RYR2: variants seen among roughly 807,000 people sequenced by gnomAD.
The protein encoded by RYR2 is ryanodine receptor 2.
RYR2 carries 227 observed loss-of-function variants against 601.1 expected under a neutral mutation model. That is an observed-to-expected ratio of 0.38 (90% CI 0.34 to 0.42). The LOEUF is 0.42. Ranked by LOEUF, RYR2 falls within the 10% of genes least tolerant of loss-of-function variation. The pLI, the probability that RYR2 is intolerant of heterozygous loss-of-function variation, is 1.00. For missense variants in RYR2, 4,646 were observed against 6,156.5 expected (o/e 0.75, Z 8.21); for synonymous variants, 2,223 against 2,175.1 (o/e 1.02, Z -0.61).
chr1:237,224,695 A>G (rs1174169740), intron 1 of RYR2, among the ~76,000 whole-genome samples: 2 of 152,078 alleles, frequency 1.3e-5, no homozygotes, highest in Non-Finnish European at 2.9e-5. Flanking sequence ...CCATCTTTAT[A>G]AAAACATTTT....
rs183429253 is a variant in RYR2, at chr1:237,526,754, C to T, written c.2823-3673C>T. Among the ~76,000 whole-genome samples, 679 of 151,864 alleles carry T rather than the reference C, an allele frequency of 4.5e-3. 5 individuals are homozygous for T. Among genetic ancestry groups the T allele is most frequent in the African/African-American group, 0.015 (638 of 41,462 alleles). The stretch of plus-strand genomic sequence containing the variant: ...TCATTGGGGGCATAATTTGAAGATA[C>T]TTTCTCCCATTCTGTAGGTTGTCTA... On this transcript the variant is annotated intron_variant, in intron 24 of 104. Transcript: ENST00000366574.
At chr1:237,110,313 G>A (rs1208057558) in intron 1 of RYR2, among the ~76,000 whole-genome samples, 1 of 151,710 alleles carries the variant, frequency 6.6e-6, no homozygotes, top group Non-Finnish European at 1.5e-5. Flanking sequence ...TGTGCACAAT[G>A]TGCAGGTTAG....
intron 74 of RYR2, among the ~76,000 whole-genome samples, chr1:237,724,968 C>G (rs1690076825): frequency 6.6e-6 from 1 of 152,056 alleles, no homozygotes; most frequent in African/African-American, 2.4e-5. Context: ...TTCTAAGTAT[C>G]CATTTATGCC....
intron 1 of RYR2, among the ~76,000 whole-genome samples, chr1:237,239,353 C>T (rs1244843841): frequency 6.6e-6 from 1 of 152,094 alleles, no homozygotes; most frequent in Non-Finnish European, 1.5e-5. Context: ...AGAGGGGCTT[C>T]CAAGTGGGTC....
intron 13 of RYR2, among the ~76,000 whole-genome samples, chr1:237,444,784 A>G (rs1708189660): frequency 6.6e-6 from 1 of 152,352 alleles, no homozygotes; most frequent in African/African-American, 2.4e-5. Context: ...TTATAGTTTC[A>G]TAGAAAGTTC....
At position 237,254,941 on chromosome 1, in the gene RYR2, A is replaced by AT. The variant is rs570821626; in HGVS notation, c.49-15552dup. On this transcript the variant is annotated intron_variant, in intron 1 of 104. Transcript: ENST00000366574. ...TAAATTCTGCATGTCTCAATGTTTGATTTTAACTCTTTATGTGCTAATGGG... is the reference window on the plus strand; with the variant it reads ...TAAATTCTGCATGTCTCAATGTTTGATTTTTAACTCTTTATGTGCTAATGGG... Among the ~76,000 whole-genome samples, 6 of 152,212 alleles carry AT rather than the reference A, an allele frequency of 3.9e-5. No homozygotes were observed. The South Asian group carries it at 1.0e-3, about 26-fold the overall frequency.
At chr1:237,494,060 C>T (rs1267815657) in intron 19 of RYR2, among the ~76,000 whole-genome samples, 1 of 152,152 alleles carries the variant, frequency 6.6e-6, no homozygotes, top group Admixed American at 6.5e-5. Context: ...GCCACACTGC[C>T]TTTCTTATCC....
intron 25 of RYR2, among the ~76,000 whole-genome samples, chr1:237,534,822 G>C (rs1378019829): frequency 6.6e-6 from 1 of 151,526 alleles, no homozygotes; most frequent in Non-Finnish European, 1.5e-5. Context: ...TTAATATTTT[G>C]GTTTCATTTA....
intron 76 of RYR2, among the ~76,000 whole-genome samples, chr1:237,728,916 A>G (rs1203640062): frequency 1.3e-5 from 2 of 152,114 alleles, no homozygotes; most frequent in Non-Finnish European, 2.9e-5. Flanking sequence ...AAACCTGCAC[A>G]TTCTGCACAT....
chr1:237,717,596 A>C (rs569215823), intron 72 of RYR2, among the ~76,000 whole-genome samples: 1 of 152,322 alleles, frequency 6.6e-6, no homozygotes, highest in East Asian at 1.9e-4. Flanking sequence ...CAAGAACCAA[A>C]CAGGAAAGAC....
intron 3 of RYR2, among the ~76,000 whole-genome samples, chr1:237,337,638 C>T (rs1377672972): frequency 6.6e-6 from 1 of 152,142 alleles, no homozygotes; most frequent in Non-Finnish European, 1.5e-5. Context: ...GTGTGTAGAA[C>T]AATCGTGGCA....
chr1:237,661,915 G>A (rs1035214209), intron 56 of RYR2, among the ~76,000 whole-genome samples: 1 of 152,094 alleles, frequency 6.6e-6, no homozygotes, highest in Non-Finnish European at 1.5e-5. Flanking sequence ...ATTTAGTCAC[G>A]AGGTCATGTG....
In RYR2 at chr1:237,530,622, G is replaced by T. The variant is rs1668050148; in HGVS notation, c.2906+112G>T. The stretch of plus-strand genomic sequence containing the variant: ...GCTTTTACTGAAGCTTTAAAATTCA[G>T]ATTCAAGGCTGGGTGCGGTGGCTCA... On this transcript the variant is annotated intron_variant, in intron 25 of 104. Transcript: ENST00000366574. 3.6e-6 allele frequency: 3 copies of T among 843,320 alleles called. No individual in the cohort carries two copies. In the East Asian group the frequency reaches 8.3e-5, roughly 23 times the overall value. The allele number at this position is 843,320 out of a possible 1,614,324, so 52.2% of individuals were successfully genotyped here.
intron 40 of RYR2, among the ~76,000 whole-genome samples, chr1:237,626,290 G>A (rs1057514977): frequency 6.6e-6 from 1 of 151,948 alleles, no homozygotes; most frequent in Non-Finnish European, 1.5e-5. Flanking sequence ...TGAGTGCCTT[G>A]GGCACAGCAC....
chr1:237,534,924 A>ACCAAG (rs925424331), intron 25 of RYR2, among the ~76,000 whole-genome samples: 26 of 152,032 alleles, frequency 1.7e-4, no homozygotes, highest in African/African-American at 6.0e-4. Flanking sequence ...GAATGGCTAA[A>ACCAAG]CCAAGCCAAT....
In RYR2 at chr1:237,397,509, T is replaced by C. The variant is rs1702962788; in HGVS notation, c.773+9326T>C. On this transcript the variant is annotated intron_variant, in intron 10 of 104. Transcript: ENST00000366574. ...CAGCCTTGCCTAAAAAGGTGGGATA[T>C]CTTAAAGTGGCAGCTTACAGGTCAT... 2.0e-5 allele frequency among the ~76,000 whole-genome samples: 3 copies of C among 152,152 alleles called. No homozygotes were observed. In the South Asian group the frequency reaches 6.2e-4, roughly 31 times the overall value.
intron 49 of RYR2, among the ~76,000 whole-genome samples, chr1:237,649,485 CAGAAAGAATTT>C (rs1359625665): frequency 6.6e-6 from 1 of 152,052 alleles, no homozygotes; most frequent in Non-Finnish European, 1.5e-5. Context: ...AAAGAGAATT[CAGAAAGAATTT>C]ACGCATATGA....
Position 237,432,210 on chromosome 1 carries a change from T to TTAA in RYR2, c.1005+8962_1005+8963insTAA, listed in dbSNP as rs5781958. On this transcript the variant is annotated intron_variant, in intron 12 of 104. Transcript: ENST00000366574. ...CAGAGCAATGACTTTAGGCTTTTTT[T>TTAA]AAAAAAAAATGCCTTTTACAGTTTA... Among the ~76,000 whole-genome samples the TTAA allele has an allele frequency of 6.0e-4, 77 of 128,672 alleles. 3 individuals are homozygous for TTAA. The East Asian group carries it at 0.014, about 23-fold the overall frequency. The allele number at this position is 128,672 out of a possible 152,430, so 84.4% of individuals were successfully genotyped here. A position where few individuals can be genotyped will look rare whatever the true frequency, so the allele number is the denominator to read the frequency against.
chr1:237,072,605 T>C (rs1664499907), intron 1 of RYR2, among the ~76,000 whole-genome samples: 1 of 152,154 alleles, frequency 6.6e-6, no homozygotes, highest in Non-Finnish European at 1.5e-5. Flanking sequence ...AAAATGGATT[T>C]GGAAACTCGT....
Sources: allele counts gnomAD v4.1 joint callset (sites outside exome capture counted in the v4.1 genomes callset), GRCh38; gene constraint gnomAD v4.1.1; transcripts MANE v1.5; gene names NCBI Gene and HGNC (gene_info 2026-07-23, HGNC 2026-07-21).